Variants in ZNF764 observed in about 807,000 individuals in gnomAD.
ZNF764 encodes zinc finger protein 764.
ZNF764 carries 10 observed loss-of-function variants against 13.9 expected under a neutral mutation model. The ratio of observed to expected loss-of-function variants is 0.72; its 90% CI spans 0.44 to 1.22. The LOEUF is 1.22. Among genes scored for constraint, ZNF764 ranks in the 50% most tolerant of loss-of-function variants. The probability of loss-of-function intolerance (pLI) is 0.00; values close to 1 mark genes in which losing one functional copy is unlikely to be tolerated. For missense variants in ZNF764, 647 were observed against 589.7 expected (o/e 1.10, Z -1.01); for synonymous variants, 313 against 255.1 (o/e 1.23, Z -2.16).
In ZNF764 at chr16:30,555,479, G is replaced by A; in HGVS notation, c.939C>T (p.Pro313=). ...AGCGCCCGCAGTCCGGGCACGGGTA[G>A]GGCTTCTCGCCGGTGTGGGTGCGCA... The part of the protein sequence containing the change: ...RHVRTHTGEK[P]YPCPDCGRCF... Residue 313 remains proline, a synonymous_variant, in exon 3 of 3, where the codon CCC becomes CCT. Transcript: ENST00000395091. The A allele has an allele frequency of 1.3e-6, 2 of 1,553,756 alleles. No individual in the cohort carries two copies. The highest frequency in any genetic ancestry group is 2.7e-5 in the African/African-American group (2 of 73,066).
chr16:30,557,850 G>A lies in ZNF764; in HGVS notation c.197-4C>T, dbSNP rs1248244147. On this transcript the variant is annotated splice_region_variant and splice_polypyrimidine_tract_variant and intron_variant, in intron 1 of 2. Transcript: ENST00000395091. Reference sequence around the variant, plus strand: ...GCTGGCTTGTTGCCTCCGATTCCTAGGGAAGAAGAACGCAAACCCCACGCT... The same window carrying A: ...GCTGGCTTGTTGCCTCCGATTCCTAAGGAAGAAGAACGCAAACCCCACGCT... The A allele has an allele frequency of 1.2e-6, 2 of 1,600,592 alleles. No homozygotes were observed. The highest frequency in any genetic ancestry group is 2.7e-5 in the African/African-American group (2 of 74,504).
chr16:30,558,155 G>A lies in ZNF764; in HGVS notation c.28C>T (p.Pro10Ser), dbSNP rs938097674. 5.6e-6 allele frequency: 9 copies of A among 1,600,702 alleles called. No individual in the cohort carries two copies. The Admixed American group carries it at 1.0e-4, about 18-fold the overall frequency. The change falls in exon 1 of 3, where the codon CCC becomes TCC. Residue 10 changes from proline (P) to serine (S), a missense_variant. Transcript: ENST00000395091. ...GGTCCGGCCCCGTTTGGGTCCCGGG[G>A]AGGGAGCGGGGCCAGAGGCGGCGCC... is the stretch of plus-strand genomic sequence containing the variant. MAPPLAPLP[P>S]RDPNGAGPEW...
At position 30,555,932 on chromosome 16, in the gene ZNF764, A is replaced by G. The variant is rs2051551337; in HGVS notation, c.486T>C (p.Cys162=). The change falls in exon 3 of 3, where the codon TGT becomes TGC. Residue 162 remains cysteine (C), a synonymous_variant. Transcript: ENST00000395091. ...KAPHRGRPSL[C]AHPPVPRADQ... is the part of the protein sequence containing the mutation. ...CAGCTCGGGGGACAGGGGGGTGGGC[A>G]CAGAGGGAGGGGCGTCCCCGGTGCG... 2 of 1,611,658 alleles carry G rather than the reference A, an allele frequency of 1.2e-6. No homozygotes were observed. Among genetic ancestry groups the G allele is most frequent in the East Asian group, 4.5e-5 (2 of 44,856 alleles).
chr16:30,555,481 G>C lies in ZNF764; in HGVS notation c.937C>G (p.Pro313Ala). The C allele has an allele frequency of 1.3e-6, 2 of 1,551,416 alleles. No homozygotes were observed. Among genetic ancestry groups the C allele is most frequent in the Non-Finnish European group, 1.7e-6 (2 of 1,152,988 alleles). ...RHVRTHTGEKPYPCPDCGRCF... is the reference protein window; with the variant it reads ...RHVRTHTGEKAYPCPDCGRCF... ...CGCCCGCAGTCCGGGCACGGGTAGGGCTTCTCGCCGGTGTGGGTGCGCACG... is the reference window on the plus strand; with the variant it reads ...CGCCCGCAGTCCGGGCACGGGTAGGCCTTCTCGCCGGTGTGGGTGCGCACG... The change falls in exon 3 of 3, where the codon CCC (proline) becomes GCC (alanine). Residue 313 changes from proline (P) to alanine (A), a missense_variant. Transcript: ENST00000395091.
At position 30,553,961 on chromosome 16, in the gene ZNF764, C is replaced by T. The variant is rs1165794465; in HGVS notation, c.*1233G>A. ...CTAAGAAATACTTCCCTTTCTTCTTCGCTGTACTTTAAGATAAACACCAAA... is the reference window on the plus strand; with the variant it reads ...CTAAGAAATACTTCCCTTTCTTCTTTGCTGTACTTTAAGATAAACACCAAA... On this transcript the variant is annotated 3_prime_UTR_variant, in exon 3 of 3. Coordinates refer to ENST00000395091, the MANE Select transcript of ZNF764 (RefSeq NM_001172679.2). 2 of 152,142 alleles carry T rather than the reference C, an allele frequency of 1.3e-5. No homozygotes were observed. Among genetic ancestry groups the T allele is most frequent in the Non-Finnish European group, 2.9e-5 (2 of 68,018 alleles). The allele number at this position is 152,142 out of a possible 1,614,324, so 9.4% of individuals were successfully genotyped here.
In ZNF764 at chr16:30,555,595, G is replaced by A. The variant is rs749639292; in HGVS notation, c.823C>T (p.Gln275Ter). 6.5e-7 allele frequency: 1 copy of A among 1,547,366 alleles called. No homozygotes were observed. Among genetic ancestry groups the A allele is most frequent in the Non-Finnish European group, 8.7e-7 (1 of 1,152,014 alleles). ...TCGCCGCTGTGCACGCGCCGGTGCT[G>A]GTAGAGGGCAGAGCTCTGGCTGAAG... ...RRFSQSSALY[Q>*]HRRVHSGETP... Residue 275 changes from glutamine to a stop codon, truncating the protein, a stop_gained, in exon 3 of 3, where the codon CAG becomes TAG. Coordinates refer to ENST00000395091, the MANE Select transcript of ZNF764 (RefSeq NM_001172679.2). LOFTEE classifies it low-confidence loss of function (END_TRUNC).
At position 30,554,827 on chromosome 16, in the gene ZNF764, T is replaced by G; in HGVS notation, c.*367A>C. On this transcript the variant is annotated 3_prime_UTR_variant, in exon 3 of 3. Transcript: ENST00000395091. ...TAAAAAGACAATGAGTATTGTGTTC[T>G]GGGAGGGTCACAAGAATAAAAATAA... The G allele has an allele frequency of 4.5e-6, 1 of 221,586 alleles. No homozygotes were observed. The highest frequency in any genetic ancestry group is 8.7e-6 in the Non-Finnish European group (1 of 114,830). The allele number at this position is 221,586 out of a possible 1,614,324, so 13.7% of individuals were successfully genotyped here.
In ZNF764 at chr16:30,557,780, G is replaced by A; in HGVS notation, c.263C>T (p.Ala88Val). Residue 88 changes from alanine to valine, a missense_variant, in exon 2 of 3, where the codon GCT becomes GTT. Transcript: ENST00000395091. ...TTTCGCCACCTCCGGATCCTGGGCA[G>A]CCGGACCCCACAGTTCGGCCTCCTC... ...VEEEAELWGP[A>V]AQDPEVAKCQ... The A allele has an allele frequency of 6.2e-7, 1 of 1,613,450 alleles. No individual in the cohort carries two copies. The highest frequency in any genetic ancestry group is 1.1e-5 in the South Asian group (1 of 90,902).
chr16:30,555,318 C>T lies in ZNF764; in HGVS notation c.1100G>A (p.Gly367Glu). The T allele has an allele frequency of 6.2e-7, 1 of 1,609,924 alleles. No individual in the cohort carries two copies. Among genetic ancestry groups the T allele is most frequent in the Non-Finnish European group, 8.5e-7 (1 of 1,178,272 alleles). ...GACCCGGCCCCTGTGGCCCCCGGCCCCGGGCCGATGAACCCACTGGTGTTT... is the reference window on the plus strand; with the variant it reads ...GACCCGGCCCCTGTGGCCCCCGGCCTCGGGCCGATGAACCCACTGGTGTTT... ...VAKHQWVHRP[G>E]AGGHRGRVAG... is the part of the protein sequence containing the mutation. Residue 367 changes from glycine to glutamate, a missense_variant, in exon 3 of 3, where the codon GGG (glycine) becomes GAG (glutamate). Coordinates refer to ENST00000395091, the MANE Select transcript of ZNF764 (RefSeq NM_001172679.2).
chr16:30,557,950 G>C, intron 1 of ZNF764, 37 bp downstream of exon 1: 1 of 1,578,086 alleles, frequency 6.3e-7, no homozygotes, highest in Non-Finnish European at 8.6e-7. Flanking sequence ...AGGGCCTGTG[G>C]GGGCGCAGGG....
Position 30,555,888 on chromosome 16 carries a change from TAGC to T in ZNF764, c.527_529del (p.Cys176del). 6.2e-7 allele frequency: 1 copy of T among 1,612,086 alleles called. No individual in the cohort carries two copies. Among genetic ancestry groups the T allele is most frequent in the African/African-American group, 1.3e-5 (1 of 74,960 alleles). On this transcript the variant is annotated inframe_deletion, in exon 3 of 3. Coordinates refer to ENST00000395091, the MANE Select transcript of ZNF764 (RefSeq NM_001172679.2). Reference sequence around the variant, plus strand: ...CCAGGCAAAGCTCTTCCCGCACACGTAGCAGCCATGACGCTGGTCAGCTCGGGG... The same window carrying T: ...CCAGGCAAAGCTCTTCCCGCACACGTAGCCATGACGCTGGTCAGCTCGGGG...
At position 30,555,586 on chromosome 16, in the gene ZNF764, G is replaced by A. The variant is rs779552906; in HGVS notation, c.832C>T (p.Arg278Cys). Reference protein sequence around the residue: ...SQSSALYQHRRVHSGETPFPC... With the variant: ...SQSSALYQHRCVHSGETPFPC... ...AAGGGGGTCTCGCCGCTGTGCACGC[G>A]CCGGTGCTGGTAGAGGGCAGAGCTC... is the stretch of plus-strand genomic sequence containing the variant. The change falls in exon 3 of 3, where the codon CGC becomes TGC. Residue 278 changes from arginine to cysteine, a missense_variant. Physicochemically the swap from Arg to Cys is radical, Grantham distance 180. Coordinates refer to ENST00000395091, the MANE Select transcript of ZNF764 (RefSeq NM_001172679.2). 12 of 1,543,580 alleles carry A rather than the reference G, an allele frequency of 7.8e-6. No individual in the cohort carries two copies. In the African/African-American group the frequency reaches 9.5e-5, roughly 12 times the overall value.
In ZNF764 at chr16:30,558,074, G is replaced by A. The variant is rs1311555985; in HGVS notation, c.109C>T (p.Arg37Trp). ...GGCCGCAAGCAGCCCCACTCCTCCC[G>A]GCAGAAGTACACGGCCACGTCCGCG... The part of the protein sequence containing the change: ...SFADVAVYFC[R>W]EEWGCLRPAQ... Residue 37 changes from arginine to tryptophan, a missense_variant, in exon 1 of 3, where the codon CGG becomes TGG. Arg to Trp is a moderately radical substitution (Grantham distance 101). Coordinates refer to ENST00000395091, the MANE Select transcript of ZNF764 (RefSeq NM_001172679.2). 6.2e-7 allele frequency: 1 copy of A among 1,611,976 alleles called. No homozygotes were observed. The highest frequency in any genetic ancestry group is 8.5e-7 in the Non-Finnish European group (1 of 1,179,444).
Position 30,555,708 on chromosome 16 carries a change from C to G in ZNF764, c.710G>C (p.Arg237Pro), listed in dbSNP as rs758930910. The G allele has an allele frequency of 1.3e-6, 2 of 1,585,038 alleles. No individual in the cohort carries two copies. The highest frequency in any genetic ancestry group is 1.1e-5 in the South Asian group (1 of 88,472). The change falls in exon 3 of 3, where the codon CGG becomes CCG. Residue 237 changes from arginine (R) to proline (P), a missense_variant. By Grantham distance (103) the Arg-to-Pro change is moderately radical. Transcript: ENST00000395091. ...ERPHRCLECG[R>P]AFTQRSALTS... is the part of the protein sequence containing the mutation. ...CAGCGCCGAGCGCTGCGTGAAGGCC[C>G]GGCCACACTCCAGACAGCGGTGGGG...
rs1467093182 is a variant in ZNF764 at position 30,557,836 on chromosome 16, G to T, written c.207C>A (p.Gly69=). The change falls in exon 2 of 3, where the codon GGC becomes GGA. Residue 69 remains glycine, a synonymous_variant. Transcript: ENST00000395091. ...YGHLSALGIG[G]NKPALISWVE... Reference sequence around the variant, plus strand: ...CCCAGGAGATGAGAGCTGGCTTGTTGCCTCCGATTCCTAGGGAAGAAGAAC... The same window carrying T: ...CCCAGGAGATGAGAGCTGGCTTGTTTCCTCCGATTCCTAGGGAAGAAGAAC... 3.7e-6 allele frequency: 6 copies of T among 1,607,034 alleles called. No individual in the cohort carries two copies. In the South Asian group the frequency reaches 6.7e-5, roughly 18 times the overall value.
chr16:30,555,947 T>TC lies in ZNF764; in HGVS notation c.470dup (p.Arg158ThrfsTer14). 2 of 1,611,082 alleles carry TC rather than the reference T, an allele frequency of 1.2e-6. No individual in the cohort carries two copies. Among genetic ancestry groups the TC allele is most frequent in the African/African-American group, 2.7e-5 (2 of 74,748 alleles). ...GGGGGTGGGCACAGAGGGAGGGGCG[T>TC]CCCCGGTGCGGTGCCTTGGACAGCT... On this transcript the variant is annotated frameshift_variant, in exon 3 of 3. Coordinates refer to ENST00000395091, the MANE Select transcript of ZNF764 (RefSeq NM_001172679.2). LOFTEE classifies it low-confidence loss of function (END_TRUNC).
rs767604463 is a variant in ZNF764 at position 30,555,468 on chromosome 16, G to A, written c.950C>T (p.Pro317Leu). ...CTGGCGGAAGCAGCGCCCGCAGTCC[G>A]GGCACGGGTAGGGCTTCTCGCCGGT... ...THTGEKPYPC[P>L]DCGRCFRQSS... is the part of the protein sequence containing the mutation. Residue 317 changes from proline (P) to leucine (L), a missense_variant, in exon 3 of 3, where the codon CCG (proline) becomes CTG (leucine). Coordinates refer to ENST00000395091, the MANE Select transcript of ZNF764 (RefSeq NM_001172679.2). 3 of 1,558,646 alleles carry A rather than the reference G, an allele frequency of 1.9e-6. No homozygotes were observed. Among genetic ancestry groups the A allele is most frequent in the Admixed American group, 1.9e-5 (1 of 52,044 alleles).
At chr16:30,557,685 G>C (rs373617716) in intron 2 of ZNF764, 48 bp downstream of exon 2, 27 of 1,607,198 alleles carry the variant, frequency 1.7e-5, no homozygotes, top group Non-Finnish European at 2.3e-5. Context: ...TACCGGGATG[G>C]GACAGGAACA....
At chr16:30,556,921 A>G (rs1335498060) in intron 2 of ZNF764, among the ~76,000 whole-genome samples, 2 of 152,094 alleles carry the variant, frequency 1.3e-5, no homozygotes, top group South Asian at 2.1e-4. Flanking sequence ...CAGATCACAA[A>G]GTCAGAAGTT....
Sources: allele counts gnomAD v4.1 joint callset (sites outside exome capture counted in the v4.1 genomes callset), GRCh38; gene constraint gnomAD v4.1.1; transcripts MANE v1.5; gene names NCBI Gene and HGNC (gene_info 2026-07-23, HGNC 2026-07-21).